The following CAMKV variants were observed in gnomAD, a reference collection of about 807,000 sequenced individuals.
CAMKV encodes caM kinase-like vesicle-associated protein.
In CAMKV, 5 loss-of-function variants were observed where a neutral mutation model predicts 50.2. That is an observed-to-expected ratio of 0.10 (90% confidence interval 0.05 to 0.21). The LOEUF (loss-of-function observed/expected upper bound fraction) is 0.21. Ranked by LOEUF, CAMKV falls within the 10% of genes least tolerant of loss-of-function variation. CAMKV has a pLI of 1.00. For missense variants in CAMKV, 361 were observed against 650.5 expected (o/e 0.55, Z 4.84); for synonymous variants, 229 against 250.1 (o/e 0.92, Z 0.80).
At chr3:49,864,348 C>A (rs1360178798) in intron 1 of CAMKV, among the ~76,000 whole-genome samples, 1 of 152,166 alleles carries the variant, frequency 6.6e-6, no homozygotes, top group Non-Finnish European at 1.5e-5. Flanking sequence ...CATTCATGCC[C>A]ACTGGGGCCC....
chr3:49,869,848 G>C lies in CAMKV; in HGVS notation c.-105C>G, dbSNP rs1464140306. ...GGACGGCGGGCAGAATCCGCTCCGA[G>C]CACGCGGGGCAGACGCGGCGCCAGA... On this transcript the variant is annotated 5_prime_UTR_variant, in exon 1 of 11. Coordinates refer to ENST00000477224, the MANE Select transcript of CAMKV (RefSeq NM_024046.5). This position sits in a 1 kb window ranked among gnomAD's most constrained non-coding sequence, Gnocchi z 5.2. 6.6e-6 allele frequency: 1 copy of C among 152,236 alleles called. No individual in the cohort carries two copies. Among genetic ancestry groups the C allele is most frequent in the African/African-American group, 2.4e-5 (1 of 41,468 alleles). 9.4% of individuals were successfully genotyped at this position (152,236 alleles called of 1,614,324 possible).
Position 49,859,344 on chromosome 3 carries a change from C to T in CAMKV, c.1480G>A (p.Glu494Lys). Residue 494 changes from glutamate to lysine, a missense_variant, in exon 11 of 11, where the codon GAG (glutamate) becomes AAG (lysine). Transcript: ENST00000477224. This position sits in a 1 kb window ranked among gnomAD's most constrained non-coding sequence, Gnocchi z 5.5. ...CAGCTGGCCTCCTCCCTTTGAGACT[C>T]CTGGGCATAACCAGCAGCCTCTTCC... Reference protein sequence around the residue: ...KGEEAAGYAQESQREEAS With the variant: ...KGEEAAGYAQKSQREEAS 6.5e-7 allele frequency: 1 copy of T among 1,541,912 alleles called. No homozygotes were observed. The highest frequency in any genetic ancestry group is 8.7e-7 in the Non-Finnish European group (1 of 1,143,386).
Position 49,858,650 on chromosome 3 carries a change from T to TA in CAMKV, c.*667dup, listed in dbSNP as rs757610780. ...TCGGAAAGGCAGGAAATAACACAAA[T>TA]AACAGGGTCTTAGGAAGGACAAAAA... On this transcript the variant is annotated 3_prime_UTR_variant, in exon 11 of 11. Transcript: ENST00000477224. The TA allele has an allele frequency of 2.2e-5, 7 of 311,234 alleles. No individual in the cohort carries two copies. The highest frequency in any genetic ancestry group is 4.1e-5 in the Non-Finnish European group (7 of 171,438). The allele number at this position is 311,234 out of a possible 1,614,324, so 19.3% of individuals were successfully genotyped here. A position where few individuals can be genotyped will look rare whatever the true frequency, so the allele number is the denominator to read the frequency against.
Position 49,860,581 on chromosome 3 carries a change from G to A in CAMKV, c.776-32C>T. The A allele has an allele frequency of 6.2e-7, 1 of 1,611,220 alleles. No individual in the cohort carries two copies. Among genetic ancestry groups the A allele is most frequent in the African/African-American group, 1.3e-5 (1 of 74,952 alleles). On this transcript the variant is annotated intron_variant, in intron 8 of 10. Coordinates refer to ENST00000477224, the MANE Select transcript of CAMKV (RefSeq NM_024046.5). The surrounding 1 kb of genome is among the most constrained non-coding windows in gnomAD (Gnocchi z 6.1). ...ACAAAACCAAGAAGGGGATAGTCAT[G>A]GGCACCCCATCTCAATGTCTAGAGG...
At position 49,862,164 on chromosome 3, in the gene CAMKV, A is replaced by G; in HGVS notation, c.108T>C (p.Cys36=). 1 of 1,614,172 alleles carries G rather than the reference A, an allele frequency of 6.2e-7. No homozygotes were observed. Residue 36 remains cysteine, a synonymous_variant, in exon 3 of 11, where the codon TGT becomes TGC. Coordinates refer to ENST00000477224, the MANE Select transcript of CAMKV (RefSeq NM_024046.5). The surrounding 1 kb of genome is among the most constrained non-coding windows in gnomAD (Gnocchi z 5.2). ...TCTTGTCCTTGGCCCGGAAGATTTC[A>G]CAAAACTCCTCACTGCAGCCGACAG... ...LGQVIKTEEF[C]EIFRAKDKTT...
rs781739996 is a variant in CAMKV, at chr3:49,860,133, T to G, written c.942+38A>C. The G allele has an allele frequency of 1.9e-6, 3 of 1,566,410 alleles. No homozygotes were observed. Among genetic ancestry groups the G allele is most frequent in the Non-Finnish European group, 2.6e-6 (3 of 1,136,674 alleles). On this transcript the variant is annotated intron_variant, in intron 10 of 10. Transcript: ENST00000477224. The surrounding 1 kb of genome is among the most constrained non-coding windows in gnomAD (Gnocchi z 6.1). ...AGAAACTGAGTGCCAGAAGCAATAC[T>G]TGGGATAGAGCCAAGAAGGGAGTTA...
At chr3:49,864,694 C>T (rs2082050407) in intron 1 of CAMKV, among the ~76,000 whole-genome samples, 2 of 152,208 alleles carry the variant, frequency 1.3e-5, no homozygotes, top group African/African-American at 4.8e-5. Flanking sequence ...TGAAATTGCT[C>T]TGCCTCTGCT....
chr3:49,861,818 C>A lies in CAMKV; in HGVS notation c.275G>T (p.Arg92Leu), dbSNP rs1344113248. 1.2e-6 allele frequency: 2 copies of A among 1,613,790 alleles called. No homozygotes were observed. Among genetic ancestry groups the A allele is most frequent in the African/African-American group, 1.3e-5 (1 of 74,922 alleles). ...ILQLVDVFVT[R>L]KEYFIFLELA... is the part of the protein sequence containing the mutation. Reference sequence around the variant, plus strand: ...CTCCAGGAAGATAAAGTACTCCTTGCGGGTCACAAACACATCCACCAGCTG... The same window carrying A: ...CTCCAGGAAGATAAAGTACTCCTTGAGGGTCACAAACACATCCACCAGCTG... Residue 92 changes from arginine (R) to leucine (L), a missense_variant, in exon 4 of 11, where the codon CGC becomes CTC. Transcript: ENST00000477224. This position sits in a 1 kb window ranked among gnomAD's most constrained non-coding sequence, Gnocchi z 7.7.
Position 49,862,513 on chromosome 3 carries a change from C to T in CAMKV, c.-14-111G>A. 1 of 881,110 alleles carries T rather than the reference C, an allele frequency of 1.1e-6. No homozygotes were observed. The highest frequency in any genetic ancestry group is 1.4e-5 in the South Asian group (1 of 70,854). 54.6% of individuals were successfully genotyped at this position (881,110 alleles called of 1,614,324 possible). On this transcript the variant is annotated intron_variant, in intron 1 of 10. Coordinates refer to ENST00000477224, the MANE Select transcript of CAMKV (RefSeq NM_024046.5). The surrounding 1 kb of genome is among the most constrained non-coding windows in gnomAD (Gnocchi z 5.2). ...GCTCAGGCCAAGCTAGGGGCAGAGA[C>T]CATACCAGGAGGGGCTAGAGGATAG...
In CAMKV at chr3:49,860,874, CAGAA is replaced by C. The variant is rs746257567; in HGVS notation, c.639-26_639-23del. ...AAGCCTGCATGGGGGAAGGGTCACA[CAGAA>C]AGGCCACAGACACATGCCCCCACCC... On this transcript the variant is annotated intron_variant, in intron 7 of 10. Coordinates refer to ENST00000477224, the MANE Select transcript of CAMKV (RefSeq NM_024046.5). This position sits in a 1 kb window ranked among gnomAD's most constrained non-coding sequence, Gnocchi z 6.1. 6.2e-7 allele frequency: 1 copy of C among 1,613,964 alleles called. No individual in the cohort carries two copies. The highest frequency in any genetic ancestry group is 8.5e-7 in the Non-Finnish European group (1 of 1,179,922).
intron 1 of CAMKV, among the ~76,000 whole-genome samples, chr3:49,865,031 A>G (rs1461850226): frequency 6.6e-6 from 1 of 152,218 alleles, no homozygotes; most frequent in Admixed American, 6.5e-5. Context: ...AACAAACTCT[A>G]TCATTCCTTC....
chr3:49,866,053 C>T (rs1271817056), intron 1 of CAMKV, among the ~76,000 whole-genome samples: 1 of 152,178 alleles, frequency 6.6e-6, no homozygotes, highest in Non-Finnish European at 1.5e-5. Context: ...GGGAACAGAT[C>T]TGTCTCCCCT....
Position 49,862,036 on chromosome 3 carries a change from C to T in CAMKV, c.227+9G>A. On this transcript the variant is annotated intron_variant, in intron 3 of 10. Transcript: ENST00000477224. This position sits in a 1 kb window ranked among gnomAD's most constrained non-coding sequence, Gnocchi z 5.2. The stretch of plus-strand genomic sequence containing the variant: ...CCCACCCCGCCCCAATCCCAGGCCT[C>T]AAACTCACATCTTGAGGATGCCTAT... The T allele has an allele frequency of 6.2e-7, 1 of 1,614,158 alleles. No individual in the cohort carries two copies. The highest frequency in any genetic ancestry group is 8.5e-7 in the Non-Finnish European group (1 of 1,180,010).
In CAMKV at chr3:49,860,223, T is replaced by C. The variant is rs759280881; in HGVS notation, c.890A>G (p.Lys297Arg). 6.2e-7 allele frequency: 1 copy of C among 1,613,992 alleles called. No homozygotes were observed. The highest frequency in any genetic ancestry group is 1.3e-5 in the African/African-American group (1 of 74,904). The change falls in exon 10 of 11, where the codon AAG becomes AGG. Residue 297 changes from lysine (K) to arginine (R), a missense_variant. Physicochemically the swap from Lys to Arg is conservative, Grantham distance 26 (BLOSUM62 2). This residue lies in a region of CAMKV where 172 missense variants were observed against 414.3 expected (regional missense o/e 0.42). Transcript: ENST00000477224. This position sits in a 1 kb window ranked among gnomAD's most constrained non-coding sequence, Gnocchi z 6.1. ...SGNAASDKNI[K>R]DGVCAQIEKN... Reference sequence around the variant, plus strand: ...TTCAATCTGGGCACAGACACCATCCTTGATGTTCTTATCAGAAGCAGCATT... The same window carrying C: ...TTCAATCTGGGCACAGACACCATCCCTGATGTTCTTATCAGAAGCAGCATT...
rs1157804492 is a variant in CAMKV, at chr3:49,862,599, C to T, written c.-14-197G>A. On this transcript the variant is annotated intron_variant, in intron 1 of 10. Coordinates refer to ENST00000477224, the MANE Select transcript of CAMKV (RefSeq NM_024046.5). This position sits in a 1 kb window ranked among gnomAD's most constrained non-coding sequence, Gnocchi z 5.2. Reference sequence around the variant, plus strand: ...ACATCCAGCTACTCAGCTTGGCTGCCTGAAGTGCAACAGCCTACATATGAA... The same window carrying T: ...ACATCCAGCTACTCAGCTTGGCTGCTTGAAGTGCAACAGCCTACATATGAA... Among the ~76,000 whole-genome samples, 1 of 152,154 alleles carries T rather than the reference C, an allele frequency of 6.6e-6. No homozygotes were observed. Among genetic ancestry groups the T allele is most frequent in the Non-Finnish European group, 1.5e-5 (1 of 68,026 alleles).
In CAMKV at chr3:49,861,162, G is replaced by A. The variant is rs767234385; in HGVS notation, c.562+18C>T. 3 of 1,599,276 alleles carry A rather than the reference G, an allele frequency of 1.9e-6. No homozygotes were observed. In the South Asian group the frequency reaches 3.3e-5, roughly 18 times the overall value. On this transcript the variant is annotated intron_variant, in intron 6 of 10. Coordinates refer to ENST00000477224, the MANE Select transcript of CAMKV (RefSeq NM_024046.5). The surrounding 1 kb of genome is among the most constrained non-coding windows in gnomAD (Gnocchi z 7.7). ...TGCCCCCCATTATCCCCCTGCCCCT[G>A]CCCCACCCCCTGCTTGCCCAGATAC...
Position 49,858,392 on chromosome 3 carries a change from C to A in CAMKV, c.*926G>T. 2.5e-6 allele frequency: 1 copy of A among 398,476 alleles called. No individual in the cohort carries two copies. The allele number at this position is 398,476 out of a possible 1,614,324, so 24.7% of individuals were successfully genotyped here. A position where few individuals can be genotyped will look rare whatever the true frequency, so the allele number is the denominator to read the frequency against. On this transcript the variant is annotated 3_prime_UTR_variant, in exon 11 of 11. Coordinates refer to ENST00000477224, the MANE Select transcript of CAMKV (RefSeq NM_024046.5). ...TTATGAGTTATTGCCATGCAGCAAG[C>A]CCCCTAGGGTGGAGAGGACTTGTGG...
At chr3:49,864,898 G>C (rs561881909) in intron 1 of CAMKV, among the ~76,000 whole-genome samples, 2 of 152,132 alleles carry the variant, frequency 1.3e-5, no homozygotes, top group South Asian at 2.1e-4. Context: ...GGACCCAAAC[G>C]AGCCCCATAG....
Position 49,860,025 on chromosome 3 carries a change from A to G in CAMKV, c.943-144T>C, listed in dbSNP as rs2082008415. 1.9e-6 allele frequency: 2 copies of G among 1,044,310 alleles called. No homozygotes were observed. Among genetic ancestry groups the G allele is most frequent in the South Asian group, 3.0e-5 (2 of 66,694 alleles). 64.7% of individuals were successfully genotyped at this position (1,044,310 alleles called of 1,614,324 possible). On this transcript the variant is annotated intron_variant, in intron 10 of 10. Transcript: ENST00000477224. The surrounding 1 kb of genome is among the most constrained non-coding windows in gnomAD (Gnocchi z 6.1). ...AAGTACTCAGCTGCTCAGCACTCCT[A>G]CTTAAGGTAATCACAGTGGCTACAC...
Sources: gnomAD v4.1 joint callset for allele counts (sites outside exome capture counted in the v4.1 genomes callset) on GRCh38, gnomAD v4.1.1 for gene constraint, gnomAD v4.1.1 regional missense constraint, Gnocchi (gnomAD v3.1) non-coding constraint, MANE v1.5 for transcripts, NCBI Gene and HGNC (gene_info 2026-07-23, HGNC 2026-07-21) for gene names.